ENPP2: variants seen among roughly 807,000 people sequenced by gnomAD.
ENPP2 encodes the protein ectonucleotide pyrophosphatase/phosphodiesterase 2.
Under a neutral mutation model 120.2 loss-of-function variants are expected in ENPP2, and 51 were observed. The ratio of observed to expected loss-of-function variants is 0.42; its 90% confidence interval spans 0.34 to 0.54. ENPP2 has a LOEUF of 0.54. Ranked by LOEUF, ENPP2 falls within the 20% of genes least tolerant of loss-of-function variation. The pLI is 0.04. For synonymous variants in ENPP2, 365 were observed against 366.4 expected (o/e 1.00, Z 0.04); for missense variants, 920 against 1,066.5 (o/e 0.86, Z 1.91).
rs1010882945 is a variant in ENPP2, at chr8:119,617,489, A to T, written c.554T>A (p.Val185Asp). Reference protein sequence around the residue: ...RASYMKKGSKVMPNIEKLRSC... With the variant: ...RASYMKKGSKDMPNIEKLRSC... ...ACTTAGTTTTTCAATATTAGGCATG[A>T]CTTTGCTGCCTTTCTTCATGTATGA... Residue 185 changes from valine to aspartate, a missense_variant, in exon 6 of 25, where the codon GTC becomes GAC. Physicochemically the swap from Val to Asp is radical, Grantham distance 152 (BLOSUM62 -3). Coordinates refer to ENST00000075322, the MANE Select transcript of ENPP2 (RefSeq NM_001040092.3). 5.0e-6 allele frequency: 8 copies of T among 1,612,328 alleles called. No individual in the cohort carries two copies. In the Admixed American group the frequency reaches 1.2e-4, roughly 24 times the overall value.
At chr8:119,628,361 A>G (rs1462369389) in intron 2 of ENPP2, among the ~76,000 whole-genome samples, 1 of 152,232 alleles carries the variant, frequency 6.6e-6, no homozygotes, top group Non-Finnish European at 1.5e-5. Flanking sequence ...ATGCTTATAA[A>G]TGTTTCACCC....
At chr8:119,670,134 T>C (rs1818197572) in intron 1 of ENPP2, among the ~76,000 whole-genome samples, 1 of 152,160 alleles carries the variant, frequency 6.6e-6, no homozygotes, top group South Asian at 2.1e-4. Flanking sequence ...GAGCCAAAAC[T>C]GCAAAAGGCC....
chr8:119,600,495 T>C (rs777616073), intron 11 of ENPP2, among the ~76,000 whole-genome samples, 183 bp downstream of exon 11: 2 of 152,254 alleles, frequency 1.3e-5, no homozygotes, highest in South Asian at 2.1e-4. Flanking sequence ...ATGAAGCTCC[T>C]GTAACAGAAA....
rs535879085 is a variant in ENPP2 at position 119,557,960 on chromosome 8, AGGTT to A, written c.2422-273_2422-270del. ...GGTGTCAGAGGGCATTTGACTCAAT[AGGTT>A]CTCAGAACATAAATCAAAATTAGGA... On this transcript the variant is annotated intron_variant, in intron 24 of 24. Coordinates refer to ENST00000075322, the MANE Select transcript of ENPP2 (RefSeq NM_001040092.3). 1.7e-3 allele frequency among the ~76,000 whole-genome samples: 252 copies of A among 152,328 alleles called. 3 individuals are homozygous for A. Among genetic ancestry groups the A allele is most frequent in the Admixed American group, 0.011 (166 of 15,290 alleles).
At chr8:119,559,581 T>C (rs1227532411) in intron 24 of ENPP2, among the ~76,000 whole-genome samples, 1 of 152,226 alleles carries the variant, frequency 6.6e-6, no homozygotes, top group Non-Finnish European at 1.5e-5. Flanking sequence ...GAAGGAAATA[T>C]CTTCTGCCTT....
At position 119,598,743 on chromosome 8, in the gene ENPP2, T is replaced by C. The variant is rs996087690; in HGVS notation, c.972+1935A>G. 3.9e-5 allele frequency among the ~76,000 whole-genome samples: 6 copies of C among 152,204 alleles called. No individual in the cohort carries two copies. The East Asian group carries it at 7.7e-4, about 20-fold the overall frequency. On this transcript the variant is annotated intron_variant, in intron 11 of 24. Transcript: ENST00000075322. ...GAAAATGTTCTGTATAATTTGAACA[T>C]AGTTATTAACTGACCACTTTGCTTA...
At chr8:119,654,756 C>T (rs1027468076) in intron 1 of ENPP2, among the ~76,000 whole-genome samples, 1 of 152,092 alleles carries the variant, frequency 6.6e-6, no homozygotes, top group Admixed American at 6.6e-5. Flanking sequence ...CACTATTCAG[C>T]AAAGGCTAGG....
At chr8:119,671,571 T>C (rs968788936) in intron 1 of ENPP2, among the ~76,000 whole-genome samples, 3 of 152,172 alleles carry the variant, frequency 2.0e-5, no homozygotes, top group South Asian at 2.1e-4. Flanking sequence ...GTGTCTGACT[T>C]GGACAACTTG....
At chr8:119,622,946 G>A (rs1236829386) in intron 3 of ENPP2, among the ~76,000 whole-genome samples, 4 of 152,116 alleles carry the variant, frequency 2.6e-5, no homozygotes, top group Non-Finnish European at 5.9e-5. Context: ...TGTTGTGAAG[G>A]AAGTAACAGG....
intron 15 of ENPP2, among the ~76,000 whole-genome samples, chr8:119,584,901 C>G (rs1472770601): frequency 6.6e-6 from 1 of 152,180 alleles, no homozygotes; most frequent in African/African-American, 2.4e-5. Flanking sequence ...GGTCTCCACC[C>G]TTGGAAAAAT....
At chr8:119,598,957 T>G (rs898754328) in intron 11 of ENPP2, among the ~76,000 whole-genome samples, 1 of 152,212 alleles carries the variant, frequency 6.6e-6, no homozygotes, top group African/African-American at 2.4e-5. Context: ...GGGATGCTAT[T>G]ACCCAAGAAG....
chr8:119,592,009 G>A (rs772494374), intron 12 of ENPP2, among the ~76,000 whole-genome samples: 7 of 152,108 alleles, frequency 4.6e-5, no homozygotes, highest in South Asian at 2.1e-4. Flanking sequence ...CTCCTCAAGC[G>A]TCATCAGCCT....
intron 8 of ENPP2, among the ~76,000 whole-genome samples, chr8:119,609,732 A>G (rs1814963642): frequency 6.6e-6 from 1 of 152,178 alleles, no homozygotes; most frequent in African/African-American, 2.4e-5. Flanking sequence ...TTAATTGCTT[A>G]TACACAATCT....
At position 119,557,601 on chromosome 8, in the gene ENPP2, A is replaced by G; in HGVS notation, c.2512T>C (p.Phe838Leu). Residue 838 changes from phenylalanine (F) to leucine (L), a missense_variant, in exon 25 of 25, where the codon TTC becomes CTC. Coordinates refer to ENST00000075322, the MANE Select transcript of ENPP2 (RefSeq NM_001040092.3). The stretch of plus-strand genomic sequence containing the variant: ...TAGCTGCGGCTGGTCTTTCGGAAGA[A>G]GTCCAGGCTGGTGAGATGTTCAATG... ...RDIEHLTSLD[F>L]FRKTSRSYPE... 1 of 1,612,878 alleles carries G rather than the reference A, an allele frequency of 6.2e-7. No homozygotes were observed.
intron 5 of ENPP2, chr8:119,618,299 G>C (rs769431372): frequency 6.1e-6 from 3 of 495,484 alleles, no homozygotes; most frequent in Non-Finnish European, 1.2e-5. Context: ...CTCTCCCCAG[G>C]AGATGCTTTT....
intron 18 of ENPP2, among the ~76,000 whole-genome samples, chr8:119,581,317 T>C (rs574919626): frequency 6.7e-6 from 1 of 150,222 alleles, no homozygotes; most frequent in Admixed American, 6.6e-5. Context: ...GTGGGGGTAG[T>C]CTCTGTTTGC....
rs184459833 is a variant in ENPP2, at chr8:119,660,334, G to C, written c.21+12918C>G. On this transcript the variant is annotated intron_variant, in intron 1 of 25. Coordinates refer to the ENPP2 transcript ENST00000427067. Reference sequence around the variant, plus strand: ...AAACCTGGCAACAATCATGCAAATAGGTACTATCATTATCTGTAATTCATA... The same window carrying C: ...AAACCTGGCAACAATCATGCAAATACGTACTATCATTATCTGTAATTCATA... Among the ~76,000 whole-genome samples, 3 of 152,312 alleles carry C rather than the reference G, an allele frequency of 2.0e-5. No individual in the cohort carries two copies. The East Asian group carries it at 5.8e-4, about 29-fold the overall frequency.
At chr8:119,567,352 T>A (rs1814552802) in intron 22 of ENPP2, among the ~76,000 whole-genome samples, 1 of 152,160 alleles carries the variant, frequency 6.6e-6, no homozygotes, top group Admixed American at 6.6e-5. Context: ...CTTTCGACAT[T>A]GGATAATTAA....
At chr8:119,642,149 C>T (rs1180696352), upstream of ENPP2, among the ~76,000 whole-genome samples, 4 of 152,036 alleles carry the variant, frequency 2.6e-5, no homozygotes, top group Non-Finnish European at 5.9e-5. Flanking sequence ...TCAATTTCTC[C>T]GTTACTTCCT....
Sources: allele counts gnomAD v4.1 joint callset (sites outside exome capture counted in the v4.1 genomes callset), GRCh38; gene constraint gnomAD v4.1.1; transcripts MANE v1.5; gene names NCBI Gene and HGNC (gene_info 2026-07-23, HGNC 2026-07-21).